The following PTPRR variants were observed in gnomAD, a reference collection of about 807,000 sequenced individuals.
The protein encoded by PTPRR is protein tyrosine phosphatase receptor type R.
Under a neutral mutation model 77.2 loss-of-function variants are expected in PTPRR, and 38 were observed. The ratio of observed to expected loss-of-function variants is 0.49; its 90% CI spans 0.38 to 0.65. PTPRR has a LOEUF of 0.65. Among genes scored for constraint, PTPRR ranks in the 30% least tolerant of loss-of-function variants. The pLI is 0.00. For missense variants in PTPRR, 744 were observed against 799.2 expected (o/e 0.93, Z 0.83); for synonymous variants, 299 against 283.1 (o/e 1.06, Z -0.57).
intron 2 of PTPRR, among the ~76,000 whole-genome samples, chr12:70,889,143 T>G (rs1364231883): frequency 6.6e-6 from 1 of 152,204 alleles, no homozygotes; most frequent in East Asian, 1.9e-4. Context: ...ATACATCTTC[T>G]ATGACATGGC....
At chr12:70,644,852 G>A (rs1350692733) in intron 13 of PTPRR, among the ~76,000 whole-genome samples, 1 of 152,188 alleles carries the variant, frequency 6.6e-6, no homozygotes, top group East Asian at 1.9e-4. Flanking sequence ...GCACAGTGGA[G>A]GCAGATGATG....
At chr12:70,698,689 G>A (rs990302169) in intron 7 of PTPRR, among the ~76,000 whole-genome samples, 1 of 152,096 alleles carries the variant, frequency 6.6e-6, no homozygotes, top group South Asian at 2.1e-4. Context: ...AAAAAACAAT[G>A]TATTCAAATA....
chr12:70,733,815 T>C (rs1477821301), intron 6 of PTPRR, among the ~76,000 whole-genome samples: 2 of 152,224 alleles, frequency 1.3e-5, no homozygotes, highest in South Asian at 4.1e-4. Context: ...TGTGTTCAAG[T>C]CGCCTGCCAT....
chr12:70,832,686 A>G lies in PTPRR; in HGVS notation c.357+59993T>C, dbSNP rs147527399. ...CAACAGTCCCAGGGATCATGTTGAG[A>G]ACAGAACATGGGCAGTGTGTTAGTC... On this transcript the variant is annotated intron_variant, in intron 2 of 13. Transcript: ENST00000283228. Among the ~76,000 whole-genome samples the G allele has an allele frequency of 1.7e-4, 26 of 152,286 alleles. No homozygotes were observed. In the East Asian group the frequency reaches 3.9e-3, roughly 23 times the overall value.
intron 3 of PTPRR, among the ~76,000 whole-genome samples, chr12:70,763,149 A>G (rs1890731831): frequency 6.6e-6 from 1 of 150,910 alleles, no homozygotes; most frequent in Admixed American, 6.6e-5. Context: ...TTTTTTTGAG[A>G]TGGAGTTTCG....
chr12:70,652,299 G>A (rs1437946797), intron 13 of PTPRR, among the ~76,000 whole-genome samples: 4 of 152,144 alleles, frequency 2.6e-5, no homozygotes, highest in African/African-American at 9.7e-5. Flanking sequence ...CAAGAGGCAA[G>A]AATAATGTGG....
chr12:70,820,396 C>T lies in PTPRR; in HGVS notation c.358-55618G>A, dbSNP rs543851531. The stretch of plus-strand genomic sequence containing the variant: ...CCAGGCTGGAGTGAGTGCAGTGGCG[C>T]GATCTCGGCTCACTGCAAGCTCCGC... On this transcript the variant is annotated intron_variant, in intron 2 of 13. Coordinates refer to ENST00000283228, the MANE Select transcript of PTPRR (RefSeq NM_002849.4). 1.8e-4 allele frequency among the ~76,000 whole-genome samples: 28 copies of T among 152,288 alleles called. 1 individual carries two copies. The South Asian group carries it at 5.4e-3, about 29-fold the overall frequency.
At chr12:70,702,577 G>A (rs565966881) in intron 6 of PTPRR, among the ~76,000 whole-genome samples, 9 of 152,092 alleles carry the variant, frequency 5.9e-5, no homozygotes, top group African/African-American at 2.2e-4. Context: ...GAAAATTATT[G>A]GAATATACAA....
chr12:70,719,992 C>T (rs1380976567), intron 6 of PTPRR, among the ~76,000 whole-genome samples: 2 of 152,254 alleles, frequency 1.3e-5, no homozygotes, highest in Non-Finnish European at 2.9e-5. Context: ...CTGTAAGTGG[C>T]GCACAAGCGC....
At chr12:70,920,308 G>T in intron 1 of PTPRR, 25 bp downstream of exon 1, 4 of 1,608,722 alleles carry the variant, frequency 2.5e-6, no homozygotes, top group Non-Finnish European at 3.4e-6. Flanking sequence ...GCACAGCTCC[G>T]GCTCTAAGCC....
chr12:70,751,707 G>T, intron 5 of PTPRR, among the ~76,000 whole-genome samples: 1 of 152,038 alleles, frequency 6.6e-6, no homozygotes, highest in East Asian at 1.9e-4. Context: ...TTTTAGAGTA[G>T]TTTTAGGTTT....
At chr12:70,689,375 C>T (rs1288900946) in intron 8 of PTPRR, among the ~76,000 whole-genome samples, 1 of 151,850 alleles carries the variant, frequency 6.6e-6, no homozygotes, top group African/African-American at 2.4e-5. Flanking sequence ...CTTTAGCTCC[C>T]CTCCCTTCCA....
intron 2 of PTPRR, among the ~76,000 whole-genome samples, chr12:70,890,777 A>T (rs1189105723): frequency 6.6e-6 from 1 of 152,100 alleles, no homozygotes; most frequent in African/African-American, 2.4e-5. Flanking sequence ...ATAAGCACAA[A>T]CACACATCAA....
At chr12:70,660,167 ACT>A (rs1413751156) in intron 12 of PTPRR, among the ~76,000 whole-genome samples, 1 of 141,900 alleles carries the variant, frequency 7.0e-6, no homozygotes, top group Non-Finnish European at 1.5e-5. Context: ...ATAGAGTGAG[ACT>A]CTGTCTCATA....
chr12:70,845,164 T>C (rs1319762758), intron 2 of PTPRR, among the ~76,000 whole-genome samples: 4 of 152,172 alleles, frequency 2.6e-5, no homozygotes, highest in African/African-American at 9.7e-5. Context: ...GTTCACTTCC[T>C]TCTAGGAAGG....
At chr12:70,868,568 A>AAC (rs1260877510) in intron 2 of PTPRR, among the ~76,000 whole-genome samples, 2 of 152,064 alleles carry the variant, frequency 1.3e-5, no homozygotes, top group African/African-American at 4.8e-5. Flanking sequence ...GAGAAATGGG[A>AAC]ACACTTTTAC....
chr12:70,651,091 T>C (rs1349238775), intron 13 of PTPRR, among the ~76,000 whole-genome samples: 2 of 152,234 alleles, frequency 1.3e-5, no homozygotes, highest in Non-Finnish European at 2.9e-5. Flanking sequence ...TTCAGCTCTG[T>C]CTTAGTGCCG....
chr12:70,674,625 A>G (rs781173120), intron 10 of PTPRR, among the ~76,000 whole-genome samples: 1 of 152,164 alleles, frequency 6.6e-6, no homozygotes, highest in Non-Finnish European at 1.5e-5. Context: ...ATTCCTGGAA[A>G]TTTGCCAAGA....
chr12:70,681,551 C>A (rs1252595973), intron 10 of PTPRR, among the ~76,000 whole-genome samples: 2 of 152,192 alleles, frequency 1.3e-5, no homozygotes, highest in African/African-American at 4.8e-5. Context: ...GTGGCAGAGG[C>A]AGAGTGCTTC....
Sources: allele counts gnomAD v4.1 joint callset (sites outside exome capture counted in the v4.1 genomes callset), GRCh38; gene constraint gnomAD v4.1.1; transcripts MANE v1.5; gene names NCBI Gene and HGNC (gene_info 2026-07-23, HGNC 2026-07-21).